Variants in PTPRZ1 observed in about 807,000 individuals in gnomAD.
PTPRZ1 encodes the protein receptor-type tyrosine-protein phosphatase zeta.
Under a neutral mutation model 214.1 loss-of-function variants are expected in PTPRZ1, and 82 were observed. The ratio of observed to expected loss-of-function variants is 0.38; its 90% CI spans 0.32 to 0.46. The LOEUF (loss-of-function observed/expected upper bound fraction) is 0.46, where lower values mean the gene tolerates loss of function less well. PTPRZ1 is among the 20% of genes least tolerant of loss of function. The pLI is 1.00. For synonymous variants in PTPRZ1, 945 were observed against 987.9 expected (o/e 0.96, Z 0.81); for missense variants, 2,603 against 2,748.7 (o/e 0.95, Z 1.19).
intron 1 of PTPRZ1, among the ~76,000 whole-genome samples, chr7:121,892,009 A>C (rs1794641807): frequency 6.6e-6 from 1 of 152,100 alleles, no homozygotes; most frequent in Non-Finnish European, 1.5e-5. Context: ...GAATGTTCTT[A>C]AGTTTTTTTG....
At chr7:122,005,918 A>C (rs1214408587) in intron 11 of PTPRZ1, among the ~76,000 whole-genome samples, 3 of 152,030 alleles carry the variant, frequency 2.0e-5, no homozygotes, top group African/African-American at 7.2e-5. Flanking sequence ...ATCCATGCTT[A>C]GTTACTTTAG....
chr7:121,898,749 T>C (rs899771695), intron 1 of PTPRZ1, among the ~76,000 whole-genome samples: 1 of 152,160 alleles, frequency 6.6e-6, no homozygotes, highest in African/African-American at 2.4e-5. Context: ...TAAGTACATT[T>C]TGCTACAAAG....
At chr7:121,943,492 T>C (rs1304552145) in intron 2 of PTPRZ1, among the ~76,000 whole-genome samples, 2 of 151,938 alleles carry the variant, frequency 1.3e-5, no homozygotes, top group Non-Finnish European at 2.9e-5. Context: ...CCCGCCACCA[T>C]GCCCGGCTAA....
At chr7:122,013,937 C>T (rs1199662438) in intron 12 of PTPRZ1, 48 bp downstream of exon 12, 7 of 1,406,756 alleles carry the variant, frequency 5.0e-6, no homozygotes, top group Non-Finnish European at 6.6e-6. Flanking sequence ...GGTTTGCTTG[C>T]TCTAAAAGTA....
At chr7:121,991,692 G>T (rs1301962908) in intron 8 of PTPRZ1, among the ~76,000 whole-genome samples, 3 of 152,156 alleles carry the variant, frequency 2.0e-5, no homozygotes, top group Non-Finnish European at 4.4e-5. Flanking sequence ...ACTACAAATT[G>T]AACTGTTGAT....
At chr7:122,057,374 ATTAT>A (rs1792386972) in intron 27 of PTPRZ1, among the ~76,000 whole-genome samples, 2 of 151,784 alleles carry the variant, frequency 1.3e-5, no homozygotes, top group Non-Finnish European at 2.9e-5. Flanking sequence ...TTTTTACATA[ATTAT>A]TTACATAAAT....
intron 2 of PTPRZ1, among the ~76,000 whole-genome samples, chr7:121,953,252 A>T (rs1363850314): frequency 6.6e-6 from 1 of 152,076 alleles, no homozygotes; most frequent in African/African-American, 2.4e-5. Context: ...CTCTCATTAG[A>T]CTGTTTGTTA....
At chr7:121,937,167 A>G (rs1249279330) in intron 2 of PTPRZ1, among the ~76,000 whole-genome samples, 4 of 152,258 alleles carry the variant, frequency 2.6e-5, no homozygotes, top group African/African-American at 7.2e-5. Flanking sequence ...TAATTGTGCA[A>G]TTGCACAATT....
At chr7:121,954,802 A>G (rs1021346495) in intron 2 of PTPRZ1, among the ~76,000 whole-genome samples, 8 of 152,254 alleles carry the variant, frequency 5.3e-5, no homozygotes, top group African/African-American at 1.9e-4. Flanking sequence ...TTAAGTTTTC[A>G]TGGGATCTGT....
At chr7:122,008,020 A>C (rs1798544503) in intron 11 of PTPRZ1, among the ~76,000 whole-genome samples, 1 of 152,122 alleles carries the variant, frequency 6.6e-6, no homozygotes, top group African/African-American at 2.4e-5. Context: ...AACCTCATAA[A>C]GTTTATAGAA....
At chr7:121,940,364 C>T (rs896869884) in intron 2 of PTPRZ1, among the ~76,000 whole-genome samples, 1 of 152,150 alleles carries the variant, frequency 6.6e-6, no homozygotes, top group African/African-American at 2.4e-5. Flanking sequence ...TAGGATTAAT[C>T]AACATTGTCA....
At chr7:121,883,059 A>G (rs1562999407) in intron 1 of PTPRZ1, among the ~76,000 whole-genome samples, 1 of 152,180 alleles carries the variant, frequency 6.6e-6, no homozygotes, top group Non-Finnish European at 1.5e-5. Flanking sequence ...GAAGTTGATA[A>G]CTTGGAGGGA....
intron 1 of PTPRZ1, among the ~76,000 whole-genome samples, chr7:121,882,694 T>C (rs1794278504): frequency 6.6e-6 from 1 of 152,112 alleles, no homozygotes; most frequent in Admixed American, 6.6e-5. Flanking sequence ...AACTCAGGTA[T>C]CAGAGCATAG....
chr7:122,020,197 T>C (rs574560419), intron 13 of PTPRZ1, among the ~76,000 whole-genome samples: 1 of 152,228 alleles, frequency 6.6e-6, no homozygotes, highest in East Asian at 1.9e-4. Context: ...ACCATTGTTA[T>C]TGATTGTTTC....
At chr7:121,908,928 T>A in intron 1 of PTPRZ1, 1 of 517,108 alleles carries the variant, frequency 1.9e-6, no homozygotes, top group Non-Finnish European at 3.9e-6. Flanking sequence ...CTCATGGGAA[T>A]TCATTTAGGA....
At chr7:121,950,121 C>G (rs960696247) in intron 2 of PTPRZ1, among the ~76,000 whole-genome samples, 2 of 152,196 alleles carry the variant, frequency 1.3e-5, no homozygotes, top group Non-Finnish European at 2.9e-5. Flanking sequence ...CAAGTCACAT[C>G]TTACATGGAT....
In PTPRZ1 at chr7:122,059,854, T is replaced by C. The variant is rs777882545; in HGVS notation, c.6773T>C (p.Ile2258Thr). 1.9e-6 allele frequency: 3 copies of C among 1,613,660 alleles called. No homozygotes were observed. In the East Asian group the frequency reaches 6.7e-5, roughly 36 times the overall value. ...SVDVYQVAKM[I>T]NLMRPGVFAD... The stretch of plus-strand genomic sequence containing the variant: ...GATGTTTACCAGGTAGCCAAGATGA[T>C]CAATCTGATGAGGCCAGGAGTCTTT... The change falls in exon 29 of 30, where the codon ATC becomes ACC. Residue 2258 changes from isoleucine (I) to threonine (T), a missense_variant. Coordinates refer to ENST00000393386, the MANE Select transcript of PTPRZ1 (RefSeq NM_002851.3).
intron 1 of PTPRZ1, among the ~76,000 whole-genome samples, chr7:121,890,843 T>C (rs1243790028): frequency 1.3e-5 from 2 of 151,926 alleles, no homozygotes; most frequent in Non-Finnish European, 2.9e-5. Context: ...CTATTTTTTT[T>C]TTCTTCAAAT....
intron 3 of PTPRZ1, among the ~76,000 whole-genome samples, chr7:121,970,777 CT>C (rs1235907863): frequency 6.6e-6 from 1 of 152,056 alleles, no homozygotes; most frequent in Non-Finnish European, 1.5e-5. Context: ...ATGGTAGTTT[CT>C]TTTGCTGTGC....
Sources: allele counts gnomAD v4.1 joint callset (sites outside exome capture counted in the v4.1 genomes callset), GRCh38; gene constraint gnomAD v4.1.1; transcripts MANE v1.5; gene names NCBI Gene and HGNC (gene_info 2026-07-23, HGNC 2026-07-21).